Variants in ASAP2 observed in about 807,000 individuals in gnomAD.
ASAP2 encodes ArfGAP with SH3 domain, ankyrin repeat and PH domain 2, also known as arf-GAP with SH3 domain, ANK repeat and PH domain-containing protein 2.
In ASAP2, 45 loss-of-function variants were observed where a neutral mutation model predicts 131.4. The observed-to-expected ratio is 0.34, with a 90% CI of 0.27 to 0.44. The LOEUF is 0.44. Ranked by LOEUF, ASAP2 falls within the 20% of genes least tolerant of loss-of-function variation. The pLI, the probability that ASAP2 is intolerant of heterozygous loss-of-function variation, is 1.00. For synonymous variants in ASAP2, 510 were observed against 503.0 expected (o/e 1.01, Z -0.19); for missense variants, 1,011 against 1,297.0 (o/e 0.78, Z 3.39).
chr2:9,268,816 C>T lies in ASAP2; in HGVS notation c.127-10501C>T, dbSNP rs947427059. 6.6e-6 allele frequency among the ~76,000 whole-genome samples: 1 copy of T among 152,232 alleles called. No individual in the cohort carries two copies. Among genetic ancestry groups the T allele is most frequent in the African/African-American group, 2.4e-5 (1 of 41,456 alleles). ...GACGGGAGAGCGGAGCATGCTAGGG[C>T]TGCCTGAGTGCTGCAGGCCTCTGCT... On this transcript the variant is annotated intron_variant, in intron 1 of 27. Transcript: ENST00000281419. The surrounding 1 kb of genome is among the most constrained non-coding windows in gnomAD (Gnocchi z 4.1).
intron 1 of ASAP2, among the ~76,000 whole-genome samples, chr2:9,278,715 T>G (rs10181884): frequency 0.036 from 5,523 of 152,298 alleles, 234 homozygotes; most frequent in African/African-American, 0.097. Context: ...ATATTATATA[T>G]GAGAGTACCT....
chr2:9,315,622 G>A (rs180938005), intron 3 of ASAP2, among the ~76,000 whole-genome samples: 24 of 152,180 alleles, frequency 1.6e-4, no homozygotes, highest in Non-Finnish European at 2.6e-4. Flanking sequence ...GAACTGTGAC[G>A]GGAGTTTCAT....
chr2:9,364,735 A>G (rs1306134242), intron 15 of ASAP2, among the ~76,000 whole-genome samples: 1 of 152,242 alleles, frequency 6.6e-6, no homozygotes, highest in Non-Finnish European at 1.5e-5. Flanking sequence ...TTCTAAGTTC[A>G]CCTAGGACTG....
Position 9,359,499 on chromosome 2 carries a change from A to T in ASAP2, c.1461+610A>T, listed in dbSNP as rs1232143630. 2.6e-5 allele frequency among the ~76,000 whole-genome samples: 4 copies of T among 152,362 alleles called. No homozygotes were observed. In the South Asian group the frequency reaches 8.3e-4, roughly 32 times the overall value. On this transcript the variant is annotated intron_variant, in intron 15 of 27. Coordinates refer to ENST00000281419, the MANE Select transcript of ASAP2 (RefSeq NM_003887.3). The stretch of plus-strand genomic sequence containing the variant: ...TGTAGTCCCACAAGGTCCATCAGAC[A>T]GGGTGCTTCTGGCCACCTAATACAT...
Position 9,318,522 on chromosome 2 carries a change from A to T in ASAP2, c.346-2A>T, listed in dbSNP as rs759001565. ...GAATCTCCTTTTGTTTTTGTTTTTT[A>T]GATTCAGAATATGAACAACATAATC... On this transcript the variant is annotated splice_acceptor_variant, in intron 3 of 27. Coordinates refer to ENST00000281419, the MANE Select transcript of ASAP2 (RefSeq NM_003887.3). LOFTEE classifies it high-confidence loss of function. 6.2e-7 allele frequency: 1 copy of T among 1,611,502 alleles called. No homozygotes were observed. The highest frequency in any genetic ancestry group is 8.5e-7 in the Non-Finnish European group (1 of 1,177,748).
chr2:9,377,820 G>C (rs1415960952), intron 18 of ASAP2, among the ~76,000 whole-genome samples: 1 of 152,192 alleles, frequency 6.6e-6, no homozygotes, highest in East Asian at 1.9e-4. Context: ...GGGAGTGTGG[G>C]GTGGTCAACC....
chr2:9,392,796 A>G lies in ASAP2; in HGVS notation c.2519-686A>G, dbSNP rs918470461. ...TTATGTGTTACCCATCCTGAGGCCC[A>G]GTATGATAAGCCCGACATTTAGAGA... is the stretch of plus-strand genomic sequence containing the variant. On this transcript the variant is annotated intron_variant, in intron 23 of 27. Coordinates refer to ENST00000281419, the MANE Select transcript of ASAP2 (RefSeq NM_003887.3). This position sits in a 1 kb window ranked among gnomAD's most constrained non-coding sequence, Gnocchi z 4.0. 1.3e-5 allele frequency among the ~76,000 whole-genome samples: 2 copies of G among 152,144 alleles called. No homozygotes were observed. The highest frequency in any genetic ancestry group is 1.3e-4 in the Admixed American group (2 of 15,264).
chr2:9,294,765 C>G (rs917267425), intron 2 of ASAP2, among the ~76,000 whole-genome samples: 1 of 152,206 alleles, frequency 6.6e-6, no homozygotes. Context: ...CAGCTTCTCT[C>G]CTGCTGGGCT....
intron 3 of ASAP2, among the ~76,000 whole-genome samples, chr2:9,308,744 A>G (rs1669109254): frequency 6.6e-6 from 1 of 152,070 alleles, no homozygotes; most frequent in Admixed American, 6.5e-5. Context: ...CGCTGCTAAT[A>G]GTTGTGTGAT....
At chr2:9,371,019 CA>C (rs1489429349) in intron 16 of ASAP2, among the ~76,000 whole-genome samples, 1 of 152,164 alleles carries the variant, frequency 6.6e-6, no homozygotes, top group African/African-American at 2.4e-5. Flanking sequence ...TTCCAAGCAC[CA>C]GGGGTACCTA....
intron 12 of ASAP2, 127 bp downstream of exon 12, chr2:9,351,022 T>A: frequency 3.1e-6 from 2 of 652,088 alleles, no homozygotes; most frequent in Non-Finnish European, 2.4e-6. Flanking sequence ...CTTTTTCTAG[T>A]GATATGCGTG....
chr2:9,392,582 C>T lies in ASAP2; in HGVS notation c.2519-900C>T, dbSNP rs1675814152. ...CTTTCCTGCCTCTCCGTCTGGTGGT[C>T]CAGGGGCTGCATTTGTGTGCTAGAG... On this transcript the variant is annotated intron_variant, in intron 23 of 27. Coordinates refer to ENST00000281419, the MANE Select transcript of ASAP2 (RefSeq NM_003887.3). This position sits in a 1 kb window ranked among gnomAD's most constrained non-coding sequence, Gnocchi z 4.0. Among the ~76,000 whole-genome samples the T allele has an allele frequency of 6.6e-6, 1 of 152,126 alleles. No individual in the cohort carries two copies. Among genetic ancestry groups the T allele is most frequent in the Admixed American group, 6.5e-5 (1 of 15,280 alleles).
Position 9,404,874 on chromosome 2 carries a change from T to TTTTTTG in ASAP2, c.*1559_*1564dup, listed in dbSNP as rs1174649244. Reference sequence around the variant, plus strand: ...GGGTAAAAATGTGTTATATCTGTAGTTTTTTGTTTTTGTTTTTTTTTAAAG... The same window carrying TTTTTTG: ...GGGTAAAAATGTGTTATATCTGTAGTTTTTTGTTTTTGTTTTTGTTTTTTTTTAAAG... On this transcript the variant is annotated 3_prime_UTR_variant, in exon 28 of 28. Coordinates refer to ENST00000281419, the MANE Select transcript of ASAP2 (RefSeq NM_003887.3). The TTTTTTG allele has an allele frequency of 6.6e-6, 1 of 152,514 alleles. No homozygotes were observed. The highest frequency in any genetic ancestry group is 6.5e-5 in the Admixed American group (1 of 15,268). The allele number at this position is 152,514 out of a possible 1,614,324, so 9.4% of individuals were successfully genotyped here.
chr2:9,394,104 A>G (rs191100519), intron 24 of ASAP2, among the ~76,000 whole-genome samples: 1 of 151,986 alleles, frequency 6.6e-6, no homozygotes, highest in African/African-American at 2.4e-5. Flanking sequence ...ACCCAGGTCA[A>G]GCTTAGCTGT....
At chr2:9,393,703 GCCCAGGGCTCTGCAGGAATGTTTGCAATC>G in intron 24 of ASAP2, 56 bp downstream of exon 24, 1 of 1,489,302 alleles carries the variant, frequency 6.7e-7, no homozygotes, top group Non-Finnish European at 9.0e-7. Context: ...GACCTCACCT[GCCCAGGGCTCTGCAGGAATGTTTGCAATC>G]CCCAGGGCTC....
chr2:9,380,894 G>A, intron 20 of ASAP2, 86 bp downstream of exon 20: 1 of 1,391,136 alleles, frequency 7.2e-7, no homozygotes, highest in Non-Finnish European at 1.0e-6. Context: ...GGTTTGCTGT[G>A]AACCAGTGTC....
At chr2:9,320,961 AC>A (rs1670113431) in intron 5 of ASAP2, among the ~76,000 whole-genome samples, 1 of 152,212 alleles carries the variant, frequency 6.6e-6, no homozygotes, top group African/African-American at 2.4e-5. Context: ...TTCCCCAATC[AC>A]AGTTTCTCAT....
chr2:9,367,027 A>ATTTTTTTTTTTT (rs1171661319), intron 15 of ASAP2, among the ~76,000 whole-genome samples: 25 of 132,928 alleles, frequency 1.9e-4, no homozygotes, highest in African/African-American at 6.2e-4. Flanking sequence ...TGCCTGCATA[A>ATTTTTTTTTTTT]TTTTTTTTTT....
At chr2:9,262,915 CCT>C (rs1665676488) in intron 1 of ASAP2, among the ~76,000 whole-genome samples, 1 of 152,232 alleles carries the variant, frequency 6.6e-6, no homozygotes, top group Non-Finnish European at 1.5e-5. Context: ...TCTCCTCTCC[CCT>C]GTTTATTTGA....
Sources: gnomAD v4.1 joint callset for allele counts (sites outside exome capture counted in the v4.1 genomes callset) on GRCh38, gnomAD v4.1.1 for gene constraint, Gnocchi (gnomAD v3.1) non-coding constraint, MANE v1.5 for transcripts, NCBI Gene and HGNC (gene_info 2026-07-23, HGNC 2026-07-21) for gene names.